GUCA1A: variants seen among roughly 807,000 people sequenced by gnomAD.
The protein encoded by GUCA1A is guanylyl cyclase-activating protein 1.
Under a neutral mutation model 18.5 loss-of-function variants are expected in GUCA1A, and 14 were observed. The ratio of observed to expected loss-of-function variants is 0.76; its 90% confidence interval spans 0.50 to 1.18. The LOEUF (loss-of-function observed/expected upper bound fraction) is 1.18, where lower values mean the gene tolerates loss of function less well. Ranked by LOEUF, GUCA1A falls within the 50% of genes most tolerant of loss-of-function variation. The probability of loss-of-function intolerance (pLI) is 0.00; values close to 1 mark genes in which losing one functional copy is unlikely to be tolerated. For missense variants in GUCA1A, 264 were observed against 262.4 expected, an observed-to-expected ratio of 1.01 and a Z score of -0.04; for synonymous variants, 97 against 100.2, an observed-to-expected ratio of 0.97 and a Z score of 0.19.
chr6:42,173,958 T>C, intron 1 of GUCA1A, 144 bp downstream of exon 1: 1 of 661,482 alleles, frequency 1.5e-6, no homozygotes, highest in East Asian at 2.7e-5. Flanking sequence ...TTTGTTTATT[T>C]GATAGGTGGG....
intron 1 of GUCA1A, among the ~76,000 whole-genome samples, chr6:42,175,138 G>T (rs957778294): frequency 1.3e-5 from 2 of 152,130 alleles, no homozygotes; most frequent in African/African-American, 4.8e-5. Flanking sequence ...CCCGAAGAAG[G>T]AATAACTCCT....
intron 1 of GUCA1A, 104 bp downstream of exon 1, chr6:42,173,918 C>T (rs973900129): frequency 1.3e-5 from 11 of 829,126 alleles, no homozygotes; most frequent in African/African-American, 6.7e-5. Context: ...TAGAAGTGTC[C>T]GCTGGGGAGC....
At chr6:42,178,191 G>A in intron 1 of GUCA1A, 89 bp from the exon 2 acceptor site, 2 of 1,492,446 alleles carry the variant, frequency 1.3e-6, no homozygotes, top group Non-Finnish European at 1.9e-6. Flanking sequence ...TTGCCGAGAT[G>A]GGCGGAGCCT....
chr6:42,173,432 C>G lies in GUCA1A; in HGVS notation c.-182C>G, dbSNP rs1767860073. The G allele has an allele frequency of 1.5e-6, 1 of 645,800 alleles. No individual in the cohort carries two copies. Among genetic ancestry groups the G allele is most frequent in the Non-Finnish European group, 2.8e-6 (1 of 358,058 alleles). The allele number at this position is 645,800 out of a possible 1,614,324, so 40.0% of individuals were successfully genotyped here. On this transcript the variant is annotated 5_prime_UTR_variant, in exon 1 of 4. Coordinates refer to ENST00000372958, the MANE Select transcript of GUCA1A (RefSeq NM_001384910.1). ...AGTGTGGGCCATCATCTTCTTCCTTCTGCTCTCTCCCTCTCCACATTTCCC... is the reference window on the plus strand; with the variant it reads ...AGTGTGGGCCATCATCTTCTTCCTTGTGCTCTCTCCCTCTCCACATTTCCC...
chr6:42,178,990 G>A (rs1768039286), intron 3 of GUCA1A, 95 bp downstream of exon 3: 2 of 1,039,226 alleles, frequency 1.9e-6, no homozygotes, highest in Admixed American at 1.7e-5. Context: ...GGTGAGGAAG[G>A]GAGGAGAGGC....
At chr6:42,174,517 C>T (rs1767898689) in intron 1 of GUCA1A, among the ~76,000 whole-genome samples, 1 of 152,178 alleles carries the variant, frequency 6.6e-6, no homozygotes, top group African/African-American at 2.4e-5. Context: ...CAGTAGCCAC[C>T]TGGACGCATT....
rs1582323170 is a variant in GUCA1A, at chr6:42,178,364, T to G, written c.286T>G (p.Phe96Val). 1 of 1,613,962 alleles carries G rather than the reference T, an allele frequency of 6.2e-7. No individual in the cohort carries two copies. Residue 96 changes from phenylalanine to valine, a missense_variant, in exon 2 of 4, where the codon TTC (phenylalanine) becomes GTC (valine). By Grantham distance (50) the Phe-to-Val change is conservative (BLOSUM62 -1). Transcript: ENST00000372958. ...GKVEQKLRWY[F>V]KLYDVDGNGC... Reference sequence around the variant, plus strand: ...GGTGGAACAGAAGCTCCGCTGGTACTTCAAGCTCTATGATGTAGATGGCAA... The same window carrying G: ...GGTGGAACAGAAGCTCCGCTGGTACGTCAAGCTCTATGATGTAGATGGCAA...
Position 42,179,317 on chromosome 6 carries a change from C to G in GUCA1A, c.520C>G (p.Leu174Val), listed in dbSNP as rs1490180001. 1 of 1,613,868 alleles carries G rather than the reference C, an allele frequency of 6.2e-7. No homozygotes were observed. The highest frequency in any genetic ancestry group is 8.5e-7 in the Non-Finnish European group (1 of 1,179,800). The change falls in exon 4 of 4, where the codon CTG becomes GTG. Residue 174 changes from leucine to valine, a missense_variant. Physicochemically the swap from Leu to Val is conservative, Grantham distance 32. Coordinates refer to ENST00000372958, the MANE Select transcript of GUCA1A (RefSeq NM_001384910.1). ...QMLLDTLTRS[L>V]DLTRIVRRLQ... The stretch of plus-strand genomic sequence containing the variant: ...GCTCCTGGACACACTGACACGAAGC[C>G]TGGACCTTACCCGCATCGTGCGCAG...
In GUCA1A at chr6:42,179,398, G is replaced by C; in HGVS notation, c.601G>C (p.Gly201Arg). The part of the protein sequence containing the change: ...EGADEAAEAA[G>R] ...GGCTGACGAGGCCGCTGAGGCAGCC[G>C]GCTGAGTGCACCGCCCGGCTGCTTC... is the stretch of plus-strand genomic sequence containing the variant. Residue 201 changes from glycine (G) to arginine (R), a missense_variant, in exon 4 of 4, where the codon GGC becomes CGC. Physicochemically the swap from Gly to Arg is moderately radical, Grantham distance 125. Transcript: ENST00000372958. 1 of 1,593,042 alleles carries C rather than the reference G, an allele frequency of 6.3e-7. No homozygotes were observed. The highest frequency in any genetic ancestry group is 8.6e-7 in the Non-Finnish European group (1 of 1,168,078).
At chr6:42,175,799 C>T (rs1767944727) in intron 1 of GUCA1A, among the ~76,000 whole-genome samples, 1 of 152,208 alleles carries the variant, frequency 6.6e-6, no homozygotes, top group African/African-American at 2.4e-5. Context: ...ACACACACCC[C>T]CGCCTTAGGG....
chr6:42,175,170 T>C (rs1020600398), intron 1 of GUCA1A, among the ~76,000 whole-genome samples: 6 of 151,890 alleles, frequency 4.0e-5, no homozygotes, highest in Non-Finnish European at 8.8e-5. Context: ...GAAGGACAAA[T>C]GGATGGTTGA....
At position 42,173,390 on chromosome 6, in the gene GUCA1A, T is replaced by C. The variant is rs1418392434; in HGVS notation, c.-224T>C. 2 of 606,490 alleles carry C rather than the reference T, an allele frequency of 3.3e-6. No homozygotes were observed. The highest frequency in any genetic ancestry group is 3.7e-5 in the African/African-American group (2 of 54,200). The allele number at this position is 606,490 out of a possible 1,614,324, so 37.6% of individuals were successfully genotyped here. On this transcript the variant is annotated 5_prime_UTR_variant, in exon 1 of 4. Transcript: ENST00000372958. ...GTGGAGACTCTTAACACCAGTTCTC[T>C]GGCATCTGTGAGTTTGAGTGTGGGC...
chr6:42,174,732 T>C (rs1767903399), intron 1 of GUCA1A, among the ~76,000 whole-genome samples: 1 of 152,262 alleles, frequency 6.6e-6, no homozygotes, highest in South Asian at 2.1e-4. Context: ...TCCATTCATT[T>C]GGAACTATTT....
intron 3 of GUCA1A, 105 bp from the exon 4 acceptor site, chr6:42,179,135 TCTC>T (rs1768043816): frequency 6.5e-6 from 7 of 1,077,298 alleles, no homozygotes; most frequent in Middle Eastern, 2.0e-4. Flanking sequence ...GGCTCTGACT[TCTC>T]CTCACGTGGG....
At chr6:42,176,747 C>G (rs1767971890) in intron 1 of GUCA1A, among the ~76,000 whole-genome samples, 1 of 152,090 alleles carries the variant, frequency 6.6e-6, no homozygotes, top group South Asian at 2.1e-4. Context: ...AGTTTTGATA[C>G]AGAGAGGAGT....
chr6:42,175,048 G>A (rs931424712), intron 1 of GUCA1A, among the ~76,000 whole-genome samples: 1 of 152,218 alleles, frequency 6.6e-6, no homozygotes, highest in Non-Finnish European at 1.5e-5. Context: ...TTCCCGAAGC[G>A]GGAGCAGGTG....
intron 1 of GUCA1A, among the ~76,000 whole-genome samples, chr6:42,176,429 T>TTG (rs1767963821): frequency 6.6e-6 from 1 of 151,900 alleles, no homozygotes; most frequent in African/African-American, 2.4e-5. Context: ...TGTTTTGTTT[T>TTG]TTGTTGTTGT....
rs1767895589 is a variant in GUCA1A at position 42,174,381 on chromosome 6, G to C, written c.201+567G>C. Reference sequence around the variant, plus strand: ...ATATTCTGCGGACATGAGGACTGGAGACAGACAGGGTTGCCTGGTCCCTGG... The same window carrying C: ...ATATTCTGCGGACATGAGGACTGGACACAGACAGGGTTGCCTGGTCCCTGG... On this transcript the variant is annotated intron_variant, in intron 1 of 3. Coordinates refer to ENST00000372958, the MANE Select transcript of GUCA1A (RefSeq NM_001384910.1). Among the ~76,000 whole-genome samples the C allele has an allele frequency of 2.6e-5, 4 of 152,200 alleles. No individual in the cohort carries two copies. In the South Asian group the frequency reaches 8.3e-4, roughly 32 times the overall value.
At position 42,173,530 on chromosome 6, in the gene GUCA1A, C is replaced by A; in HGVS notation, c.-84C>A. 1 of 1,097,508 alleles carries A rather than the reference C, an allele frequency of 9.1e-7. No individual in the cohort carries two copies. The highest frequency in any genetic ancestry group is 1.4e-6 in the Non-Finnish European group (1 of 716,812). The allele number at this position is 1,097,508 out of a possible 1,614,324, so 68.0% of individuals were successfully genotyped here. ...TCAGGCCTGTGAGAGAGGACGGCCC[C>A]GTTGTCGGCCAAGACACCTTTGGGC... On this transcript the variant is annotated 5_prime_UTR_variant, in exon 1 of 4. Transcript: ENST00000372958.
Sources: allele counts gnomAD v4.1 joint callset (sites outside exome capture counted in the v4.1 genomes callset), GRCh38; gene constraint gnomAD v4.1.1; transcripts MANE v1.5; gene names NCBI Gene and HGNC (gene_info 2026-07-23, HGNC 2026-07-21).